The following BRINP3 variants were observed in gnomAD, a reference collection of about 807,000 sequenced individuals.
The protein encoded by BRINP3 is BMP/retinoic acid-inducible neural-specific protein 3.
Under a neutral mutation model 71.0 loss-of-function variants are expected in BRINP3, and 19 were observed. That is an observed-to-expected ratio of 0.27 (90% CI 0.19 to 0.39). The LOEUF (loss-of-function observed/expected upper bound fraction) is 0.39. BRINP3 is among the 10% of genes least tolerant of loss of function. BRINP3 has a pLI of 1.00. For missense variants in BRINP3, 959 were observed against 940.8 expected, an observed-to-expected ratio of 1.02 and a Z score of -0.25; for synonymous variants, 380 against 337.7, an observed-to-expected ratio of 1.13 and a Z score of -1.37.
At chr1:190,294,672 T>C (rs1322561932) in intron 2 of BRINP3, among the ~76,000 whole-genome samples, 1 of 152,088 alleles carries the variant, frequency 6.6e-6, no homozygotes, top group Non-Finnish European at 1.5e-5. Flanking sequence ...TTTTGGATAC[T>C]TGGAGGCATG....
intron 3 of BRINP3, among the ~76,000 whole-genome samples, chr1:190,275,112 G>A (rs576837878): frequency 2.0e-5 from 3 of 151,664 alleles, no homozygotes; most frequent in African/African-American, 4.8e-5. Context: ...TGATACTCTC[G>A]ATAGTAGTAC....
At chr1:190,383,939 C>T (rs562409030) in intron 2 of BRINP3, among the ~76,000 whole-genome samples, 6 of 151,970 alleles carry the variant, frequency 3.9e-5, no homozygotes, top group African/African-American at 1.4e-4. Context: ...TCAAACACTA[C>T]AATAACCTCA....
intron 3 of BRINP3, among the ~76,000 whole-genome samples, chr1:190,280,472 A>AATG (rs540979161): frequency 6.6e-6 from 1 of 151,884 alleles, no homozygotes; most frequent in Non-Finnish European, 1.5e-5. Context: ...GGAAAAAAAA[A>AATG]ATGATGATGT....
At chr1:190,108,774 C>T (rs191274770) in intron 7 of BRINP3, among the ~76,000 whole-genome samples, 5 of 151,578 alleles carry the variant, frequency 3.3e-5, no homozygotes, top group Admixed American at 2.6e-4. Flanking sequence ...AGTGACAAGA[C>T]TTCTCACTAA....
intron 2 of BRINP3, among the ~76,000 whole-genome samples, chr1:190,371,973 TA>T (rs1669897147): frequency 6.6e-6 from 1 of 152,088 alleles, no homozygotes; most frequent in East Asian, 1.9e-4. Flanking sequence ...TCATCAATGT[TA>T]AAATGGCACA....
chr1:190,419,690 TACAC>T (rs5779528), intron 2 of BRINP3, among the ~76,000 whole-genome samples: 303 of 148,332 alleles, frequency 2.0e-3, no homozygotes, highest in South Asian at 7.2e-3. Flanking sequence ...TATACATTTA[TACAC>T]ACACACACAC....
intron 6 of BRINP3, among the ~76,000 whole-genome samples, chr1:190,178,590 T>C (rs1004450283): frequency 1.3e-5 from 2 of 152,270 alleles, no homozygotes; most frequent in Middle Eastern, 3.4e-3. Context: ...ACTGGTTCTA[T>C]GTATTTATTG....
Position 190,397,628 on chromosome 1 carries a change from G to A in BRINP3, c.236+57027C>T, listed in dbSNP as rs554583551. Among the ~76,000 whole-genome samples, 4 of 152,020 alleles carry A rather than the reference G, an allele frequency of 2.6e-5. No homozygotes were observed. In the South Asian group the frequency reaches 8.3e-4, roughly 32 times the overall value. On this transcript the variant is annotated intron_variant, in intron 2 of 7. Coordinates refer to ENST00000367462, the MANE Select transcript of BRINP3 (RefSeq NM_199051.3). ...AATTTTGCATTCCCTGAATCAGAAAGTTTAAAATGTGAAATTTAGATATCA... is the reference window on the plus strand; with the variant it reads ...AATTTTGCATTCCCTGAATCAGAAAATTTAAAATGTGAAATTTAGATATCA...
intron 6 of BRINP3, among the ~76,000 whole-genome samples, chr1:190,186,695 G>A (rs781341162): frequency 3.3e-5 from 5 of 152,006 alleles, no homozygotes; most frequent in Non-Finnish European, 7.4e-5. Context: ...TAAATAAAAT[G>A]GTTAATTAAA....
At chr1:190,255,236 C>CTTTTTTTTTTTT (rs201421106) in intron 4 of BRINP3, among the ~76,000 whole-genome samples, 8 of 134,620 alleles carry the variant, frequency 5.9e-5, no homozygotes, top group Non-Finnish European at 4.9e-5. Context: ...AAAATTCTCT[C>CTTTTTTTTTTTT]TTTTTTTTTT....
chr1:190,386,273 A>T (rs913791926), intron 2 of BRINP3, among the ~76,000 whole-genome samples: 1 of 151,454 alleles, frequency 6.6e-6, no homozygotes, highest in Non-Finnish European at 1.5e-5. Context: ...ATAAAAATAA[A>T]CTACAAAAAA....
intron 6 of BRINP3, among the ~76,000 whole-genome samples, chr1:190,174,802 C>A (rs1278273105): frequency 6.6e-6 from 1 of 151,956 alleles, no homozygotes; most frequent in Non-Finnish European, 1.5e-5. Context: ...TAGATCCTCC[C>A]AATAATCTTG....
chr1:190,232,974 A>G (rs1658139143), intron 5 of BRINP3, among the ~76,000 whole-genome samples: 1 of 152,146 alleles, frequency 6.6e-6, no homozygotes, highest in Non-Finnish European at 1.5e-5. Context: ...TATAATTGAT[A>G]TTGATAAATT....
At chr1:190,148,147 G>C (rs1020025796) in intron 7 of BRINP3, among the ~76,000 whole-genome samples, 1 of 151,990 alleles carries the variant, frequency 6.6e-6, no homozygotes, top group Non-Finnish European at 1.5e-5. Flanking sequence ...TATTTTGCTT[G>C]GTGCTGAGTC....
intron 7 of BRINP3, among the ~76,000 whole-genome samples, chr1:190,120,429 T>C (rs749252354): frequency 1.8e-4 from 27 of 152,164 alleles, no homozygotes; most frequent in Admixed American, 5.9e-4. Flanking sequence ...TAACTACTGT[T>C]TTCTTATAAT....
rs1664957941 is a variant in BRINP3, at chr1:190,304,499, A to G, written c.237-22749T>C. ...ATGTAGTTATAGCCAACTGATTTTTAACAAAGGTGCTAAGAACACACTGAA... is the reference window on the plus strand; with the variant it reads ...ATGTAGTTATAGCCAACTGATTTTTGACAAAGGTGCTAAGAACACACTGAA... On this transcript the variant is annotated intron_variant, in intron 2 of 7. Transcript: ENST00000367462. Among the ~76,000 whole-genome samples, 3 of 151,872 alleles carry G rather than the reference A, an allele frequency of 2.0e-5. No homozygotes were observed. The South Asian group carries it at 6.2e-4, about 32-fold the overall frequency.
chr1:190,118,581 A>G (rs1653345832), intron 7 of BRINP3, among the ~76,000 whole-genome samples: 1 of 152,164 alleles, frequency 6.6e-6, no homozygotes, highest in Admixed American at 6.5e-5. Context: ...TTCACAGAAA[A>G]GTGAATCACA....
intron 2 of BRINP3, among the ~76,000 whole-genome samples, chr1:190,346,307 G>A (rs1668019364): frequency 6.6e-6 from 1 of 151,956 alleles, no homozygotes; most frequent in African/African-American, 2.4e-5. Context: ...ACTAATATAG[G>A]AAAATAATGG....
chr1:190,153,942 T>C, intron 7 of BRINP3: 7 of 336,948 alleles, frequency 2.1e-5, no homozygotes, highest in Non-Finnish European at 2.9e-5. Flanking sequence ...GTAATATAAC[T>C]CAAATAACAG....
Sources: gnomAD v4.1 joint callset for allele counts (sites outside exome capture counted in the v4.1 genomes callset) on GRCh38, gnomAD v4.1.1 for gene constraint, MANE v1.5 for transcripts, NCBI Gene and HGNC (gene_info 2026-07-23, HGNC 2026-07-21) for gene names.